The following AKAP11 variants were observed in gnomAD, a reference collection of about 807,000 sequenced individuals.
The protein encoded by AKAP11 is A-kinase anchor protein 11.
AKAP11 carries 36 observed loss-of-function variants against 146.1 expected under a neutral mutation model. That is an observed-to-expected ratio of 0.25 (90% CI 0.19 to 0.33). The LOEUF (loss-of-function observed/expected upper bound fraction) is 0.33, where lower values mean the gene tolerates loss of function less well. AKAP11 is among the 10% of genes least tolerant of loss of function. AKAP11 has a pLI of 1.00. For missense variants in AKAP11, 2,201 were observed against 2,197.0 expected (o/e 1.00, Z -0.04); for synonymous variants, 780 against 786.5 (o/e 0.99, Z 0.14).
At chr13:42,271,964 C>A (rs1320207407), upstream of AKAP11, among the ~76,000 whole-genome samples, 3 of 151,364 alleles carry the variant, frequency 2.0e-5, no homozygotes, top group Non-Finnish European at 4.4e-5. Context: ...CGGGCTCGGC[C>A]GCGGAATTTT....
chr13:42,283,955 G>A (rs1959113886), intron 1 of AKAP11, among the ~76,000 whole-genome samples: 1 of 152,120 alleles, frequency 6.6e-6, no homozygotes, highest in Non-Finnish European at 1.5e-5. Context: ...TTTCTATTGT[G>A]AGTTGTAATG....
intron 11 of AKAP11, among the ~76,000 whole-genome samples, chr13:42,315,370 A>T (rs1468374095): frequency 6.6e-6 from 1 of 152,160 alleles, no homozygotes; most frequent in African/African-American, 2.4e-5. Flanking sequence ...TTGATATTTG[A>T]TATTGATATT....
chr13:42,278,688 G>T (rs1369054161), intron 1 of AKAP11, among the ~76,000 whole-genome samples: 1 of 152,048 alleles, frequency 6.6e-6, no homozygotes, highest in African/African-American at 2.4e-5. Flanking sequence ...GTTTAAAAGG[G>T]ATTGAAAAAT....
intron 8 of AKAP11, 53 bp from the exon 9 acceptor site, chr13:42,308,401 C>A: frequency 6.9e-7 from 1 of 1,442,814 alleles, no homozygotes; most frequent in South Asian, 1.3e-5. Flanking sequence ...CTTGTAAGTT[C>A]AGAATCTGGG....
chr13:42,299,875 G>A lies in AKAP11; in HGVS notation c.1129G>A (p.Asp377Asn). The A allele has an allele frequency of 6.2e-7, 1 of 1,613,854 alleles. No homozygotes were observed. Among genetic ancestry groups the A allele is most frequent in the Non-Finnish European group, 8.5e-7 (1 of 1,179,858 alleles). The change falls in exon 8 of 13, where the codon GAT becomes AAT. Residue 377 changes from aspartate to asparagine, a missense_variant. Transcript: ENST00000025301. ...TTTAGAGACTTGCCTGTTTAACAAA[G>A]ATCCCGTCATAGGGAAGTCATCGCA... Reference protein sequence around the residue: ...QTLETCLFNKDPVIGKSSQRK... With the variant: ...QTLETCLFNKNPVIGKSSQRK...
At chr13:42,278,011 C>CAAA (rs1341864035) in intron 1 of AKAP11, among the ~76,000 whole-genome samples, 2 of 152,138 alleles carry the variant, frequency 1.3e-5, no homozygotes, top group African/African-American at 4.8e-5. Flanking sequence ...TATTTGGAGA[C>CAAA]AGTTTTGGTT....
At position 42,303,723 on chromosome 13, in the gene AKAP11, T is replaced by G. The variant is rs751315176; in HGVS notation, c.4977T>G (p.Ile1659Met). Residue 1659 changes from isoleucine (I) to methionine (M), a missense_variant, in exon 8 of 13, where the codon ATT (isoleucine) becomes ATG (methionine). Coordinates refer to ENST00000025301, the MANE Select transcript of AKAP11 (RefSeq NM_016248.4). ...CTGAGAAGATAGTTGCTGAAGCCAT[T>G]GAAAAAGCTGAGCGAGAGCTGAGCA... ...VLAEKIVAEA[I>M]EKAERELSST... The G allele has an allele frequency of 1.1e-5, 18 of 1,614,010 alleles. No individual in the cohort carries two copies. In the Admixed American group the frequency reaches 3.0e-4, roughly 27 times the overall value.
chr13:42,308,715 A>G (rs1960409266), intron 9 of AKAP11, 106 bp downstream of exon 9: 12 of 855,572 alleles, frequency 1.4e-5, no homozygotes, highest in Admixed American at 1.0e-4. Context: ...AAAATATGCT[A>G]TTACTTTCAA....
chr13:42,272,348 T>G (rs970339723), intron 1 of AKAP11, 120 bp downstream of exon 1: 4 of 152,140 alleles, frequency 2.6e-5, no homozygotes, highest in African/African-American at 9.7e-5. Context: ...CGCCTGCCGC[T>G]GGTCCCCCTT....
At chr13:42,294,411 CT>C (rs796839723) in intron 4 of AKAP11, among the ~76,000 whole-genome samples, 3 of 150,444 alleles carry the variant, frequency 2.0e-5, no homozygotes, top group Non-Finnish European at 4.4e-5. Flanking sequence ...TTTTTCTTTT[CT>C]TTTTTTTTGA....
chr13:42,313,106 A>C lies in AKAP11; in HGVS notation c.5333A>C (p.Asn1778Thr). 6.2e-7 allele frequency: 1 copy of C among 1,613,138 alleles called. No individual in the cohort carries two copies. Among genetic ancestry groups the C allele is most frequent in the Non-Finnish European group, 8.5e-7 (1 of 1,179,720 alleles). The change falls in exon 10 of 13, where the codon AAT becomes ACT. Residue 1778 changes from asparagine to threonine, a missense_variant. Asn to Thr is a moderately conservative substitution (Grantham distance 65). Coordinates refer to ENST00000025301, the MANE Select transcript of AKAP11 (RefSeq NM_016248.4). ...LGLEGDLYED[N>T]LSFPTSDSDG... Reference sequence around the variant, plus strand: ...TTAGAAGGAGATTTGTATGAGGACAATTTATCCTTTCCAACATCAGACAGG... The same window carrying C: ...TTAGAAGGAGATTTGTATGAGGACACTTTATCCTTTCCAACATCAGACAGG...
chr13:42,278,869 G>T (rs1320559189), intron 1 of AKAP11, among the ~76,000 whole-genome samples: 1 of 150,832 alleles, frequency 6.6e-6, no homozygotes. Context: ...TTATTCATGT[G>T]AATAAATTTA....
intron 11 of AKAP11, among the ~76,000 whole-genome samples, chr13:42,316,273 C>T (rs1013036084): frequency 3.3e-5 from 5 of 152,162 alleles, no homozygotes; most frequent in Non-Finnish European, 7.3e-5. Flanking sequence ...TCAGAGACAT[C>T]TGTCAACAAC....
chr13:42,293,627 A>G (rs970922874), intron 4 of AKAP11, among the ~76,000 whole-genome samples: 1 of 152,204 alleles, frequency 6.6e-6, no homozygotes, highest in Admixed American at 6.5e-5. Context: ...CTCATCTTCT[A>G]TGAAATGATG....
At chr13:42,284,801 G>T (rs1254522896) in intron 1 of AKAP11, among the ~76,000 whole-genome samples, 1 of 152,216 alleles carries the variant, frequency 6.6e-6, no homozygotes, top group Non-Finnish European at 1.5e-5. Context: ...ACGCATGATC[G>T]TCTTCTGGAT....
chr13:42,299,260 CATAAAT>C, intron 7 of AKAP11, 97 bp from the exon 8 acceptor site: 6 of 930,848 alleles, frequency 6.4e-6, no homozygotes, highest in Non-Finnish European at 9.4e-6. Context: ...AGAAGATACA[CATAAAT>C]ATTATATGTT....
intron 1 of AKAP11, among the ~76,000 whole-genome samples, chr13:42,277,279 G>A (rs1270585809): frequency 1.3e-5 from 2 of 152,200 alleles, no homozygotes; most frequent in Non-Finnish European, 2.9e-5. Flanking sequence ...GTATTCAAAT[G>A]TAGGTCTAAT....
chr13:42,287,216 G>C (rs1959174061), intron 3 of AKAP11, among the ~76,000 whole-genome samples: 2 of 152,156 alleles, frequency 1.3e-5, no homozygotes, highest in African/African-American at 4.8e-5. Context: ...CTAAGTCTAA[G>C]AGGATGGCTT....
rs1239177695 is a variant in AKAP11, at chr13:42,295,733, T to A, written c.207T>A (p.Ala69=). 6.2e-7 allele frequency: 1 copy of A among 1,610,406 alleles called. No individual in the cohort carries two copies. ...GTTTTAATGAAGAGACAGATGCTGC[T>A]CATATACAGGTATGGTGAATTTTAG... is the stretch of plus-strand genomic sequence containing the variant. The part of the protein sequence containing the change: ...FLGFNEETDA[A]HIQDLAAVSL... The change falls in exon 5 of 13, where the codon GCT becomes GCA. Residue 69 remains alanine, a synonymous_variant. Coordinates refer to ENST00000025301, the MANE Select transcript of AKAP11 (RefSeq NM_016248.4).
Sources: gnomAD v4.1 joint callset for allele counts (sites outside exome capture counted in the v4.1 genomes callset) on GRCh38, gnomAD v4.1.1 for gene constraint, MANE v1.5 for transcripts, NCBI Gene and HGNC (gene_info 2026-07-23, HGNC 2026-07-21) for gene names.